KHDRBS3: variants seen among roughly 807,000 people sequenced by gnomAD.
KHDRBS3 encodes the protein KH domain-containing, RNA-binding, signal transduction-associated protein 3.
Under a neutral mutation model 45.6 loss-of-function variants are expected in KHDRBS3, and 23 were observed. The ratio of observed to expected loss-of-function variants is 0.50; its 90% CI spans 0.36 to 0.72. The LOEUF (loss-of-function observed/expected upper bound fraction) is 0.72. Among genes scored for constraint, KHDRBS3 ranks in the 30% least tolerant of loss-of-function variants. The pLI is 0.00. For missense variants in KHDRBS3, 352 were observed against 424.8 expected (o/e 0.83, Z 1.51); for synonymous variants, 162 against 156.5 (o/e 1.04, Z -0.26).
downstream of KHDRBS3, among the ~76,000 whole-genome samples, chr8:135,651,205 C>T (rs939802912): frequency 3.3e-5 from 5 of 152,014 alleles, no homozygotes; most frequent in East Asian, 1.9e-4. Context: ...GCCCTTCACC[C>T]GCTTTGTGAC....
At chr8:135,490,941 A>T (rs1199142747) in intron 1 of KHDRBS3, among the ~76,000 whole-genome samples, 1 of 152,172 alleles carries the variant, frequency 6.6e-6, no homozygotes, top group African/African-American at 2.4e-5. Flanking sequence ...AGGAATTTTT[A>T]TGTTGGCATT....
intron 2 of KHDRBS3, among the ~76,000 whole-genome samples, chr8:135,524,485 A>G (rs571042561): frequency 3.9e-5 from 6 of 152,196 alleles, no homozygotes; most frequent in African/African-American, 1.4e-4. Context: ...CTGGAGTTTG[A>G]TAATGAATTC....
At chr8:135,546,906 G>T (rs572748264) in intron 3 of KHDRBS3, among the ~76,000 whole-genome samples, 11 of 152,234 alleles carry the variant, frequency 7.2e-5, no homozygotes, top group South Asian at 6.2e-4. Context: ...CTACAGCTAT[G>T]ATAAGAAATC....
At chr8:135,459,993 A>G (rs1821349737) in intron 1 of KHDRBS3, among the ~76,000 whole-genome samples, 1 of 152,254 alleles carries the variant, frequency 6.6e-6, no homozygotes, top group South Asian at 2.1e-4. Context: ...AGATGACTTC[A>G]GACTGAAACA....
downstream of KHDRBS3, among the ~76,000 whole-genome samples, chr8:135,651,554 T>C (rs1831429197): frequency 6.6e-6 from 1 of 152,110 alleles, no homozygotes; most frequent in Non-Finnish European, 1.5e-5. Context: ...GCTAAGAAGC[T>C]CAAATTCAGT....
chr8:135,511,988 G>T (rs1824313276), intron 1 of KHDRBS3, among the ~76,000 whole-genome samples: 1 of 152,174 alleles, frequency 6.6e-6, no homozygotes, highest in South Asian at 2.1e-4. Flanking sequence ...AGACTGATAT[G>T]TGTCTCTACT....
chr8:135,582,962 T>C (rs914607629), intron 6 of KHDRBS3, among the ~76,000 whole-genome samples: 2 of 152,204 alleles, frequency 1.3e-5, no homozygotes, highest in East Asian at 1.9e-4. Context: ...CTTGGACATA[T>C]TTAAGTTTTT....
At chr8:135,559,207 G>A (rs1295781386) in intron 5 of KHDRBS3, among the ~76,000 whole-genome samples, 1 of 152,028 alleles carries the variant, frequency 6.6e-6, no homozygotes, top group Non-Finnish European at 1.5e-5. Context: ...ACCTTGTCTA[G>A]AAATTTCTTT....
At chr8:135,566,368 GATTT>G (rs1827414265) in intron 5 of KHDRBS3, among the ~76,000 whole-genome samples, 1 of 152,178 alleles carries the variant, frequency 6.6e-6, no homozygotes, top group Non-Finnish European at 1.5e-5. Context: ...GGAGGAACTT[GATTT>G]TTTAATGTTG....
chr8:135,468,759 A>G (rs924322346), intron 1 of KHDRBS3, among the ~76,000 whole-genome samples: 23 of 152,224 alleles, frequency 1.5e-4, no homozygotes, highest in Non-Finnish European at 1.0e-4. Context: ...GGGCACAATA[A>G]AAGTTATTTG....
intron 7 of KHDRBS3, 107 bp downstream of exon 7, chr8:135,607,144 G>T (rs951710752): frequency 3.8e-6 from 3 of 781,110 alleles, no homozygotes; most frequent in Non-Finnish European, 6.1e-6. Context: ...TAATTGGCTT[G>T]CCCTGTTTTT....
In KHDRBS3 at chr8:135,655,699, A is replaced by G. The variant is rs527546922; in HGVS notation, c.*118-527A>G. 2.0e-5 allele frequency among the ~76,000 whole-genome samples: 3 copies of G among 151,876 alleles called. No individual in the cohort carries two copies. The East Asian group carries it at 5.8e-4, about 29-fold the overall frequency. ...GTCGTGAGAAGTCAACATCACCACA[A>G]TGGCCATTTCTCTGCTGCGATTGGG... On this transcript the variant is annotated intron_variant and NMD_transcript_variant, in intron 4 of 4. Transcript: ENST00000521461.
chr8:135,557,544 C>T lies in KHDRBS3; in HGVS notation c.568C>T (p.Pro190Ser), dbSNP rs538786498. 3 of 1,612,986 alleles carry T rather than the reference C, an allele frequency of 1.9e-6. No individual in the cohort carries two copies. Among genetic ancestry groups the T allele is most frequent in the Admixed American group, 1.7e-5 (1 of 60,004 alleles). Residue 190 changes from proline to serine, a missense_variant, in exon 5 of 9, where the codon CCC (proline) becomes TCC (serine). Around this residue, in one of 6 missense-constraint regions of KHDRBS3, gnomAD observed 212 missense variants for 209.6 expected, o/e 1.01. Coordinates refer to ENST00000355849, the MANE Select transcript of KHDRBS3 (RefSeq NM_006558.3). The stretch of plus-strand genomic sequence containing the variant: ...AGATGTTCCAGTGGTTCGAGGGAAA[C>T]CCACCTTGCGTACAAGAGGTGTACC... Reference protein sequence around the residue: ...NADVPVVRGKPTLRTRGVPAP... With the variant: ...NADVPVVRGKSTLRTRGVPAP...
At chr8:135,462,439 T>C (rs1221793508) in intron 1 of KHDRBS3, among the ~76,000 whole-genome samples, 1 of 152,252 alleles carries the variant, frequency 6.6e-6, no homozygotes, top group East Asian at 1.9e-4. Flanking sequence ...GGAAAAACAG[T>C]CTGCACTGGT....
chr8:135,602,612 A>T (rs1023247121), intron 6 of KHDRBS3, among the ~76,000 whole-genome samples: 1 of 152,022 alleles, frequency 6.6e-6, no homozygotes, highest in Non-Finnish European at 1.5e-5. Context: ...TACAATCTTG[A>T]TTCTTCAAAT....
chr8:135,517,634 G>T (rs1306214303), intron 1 of KHDRBS3, among the ~76,000 whole-genome samples: 2 of 152,120 alleles, frequency 1.3e-5, no homozygotes, highest in Non-Finnish European at 2.9e-5. Context: ...AACAAGAAAA[G>T]TTTTAACCAG....
chr8:135,641,996 C>T (rs943121493), intron 7 of KHDRBS3, among the ~76,000 whole-genome samples: 2 of 152,040 alleles, frequency 1.3e-5, no homozygotes, highest in Non-Finnish European at 2.9e-5. Flanking sequence ...TATATTATTC[C>T]GTGAGGGAAA....
At chr8:135,587,306 T>G (rs1467988721) in intron 6 of KHDRBS3, among the ~76,000 whole-genome samples, 2 of 152,226 alleles carry the variant, frequency 1.3e-5, no homozygotes, top group Admixed American at 1.3e-4. Context: ...CTATTTGACT[T>G]TGTGATTATT....
intron 4 of KHDRBS3, among the ~76,000 whole-genome samples, chr8:135,553,859 T>C (rs1351294918): frequency 2.0e-5 from 3 of 152,198 alleles, no homozygotes; most frequent in African/African-American, 7.2e-5. Flanking sequence ...TTGTAATAGT[T>C]TCACTTTTCA....
Sources: allele counts gnomAD v4.1 joint callset (sites outside exome capture counted in the v4.1 genomes callset), GRCh38; gene constraint gnomAD v4.1.1; regional missense constraint gnomAD v4.1.1; transcripts MANE v1.5; gene names NCBI Gene and HGNC (gene_info 2026-07-23, HGNC 2026-07-21).